NCOR2: variants seen among roughly 807,000 people sequenced by gnomAD.
NCOR2 encodes the protein nuclear receptor corepressor 2.
In NCOR2, 81 loss-of-function variants were observed where a neutral mutation model predicts 262.9. That is an observed-to-expected ratio of 0.31 (90% CI 0.26 to 0.37). NCOR2 has a LOEUF of 0.37. Ranked by LOEUF, NCOR2 falls within the 10% of genes least tolerant of loss-of-function variation. NCOR2 has a pLI of 1.00. For missense variants in NCOR2, 3,385 were observed against 3,621.4 expected (o/e 0.93, Z 1.68); for synonymous variants, 1,659 against 1,559.3 (o/e 1.06, Z -1.51).
chr12:124,335,112 A>T, intron 40 of NCOR2, 23 bp downstream of exon 42: 1 of 1,612,374 alleles, frequency 6.2e-7, no homozygotes, highest in Non-Finnish European at 8.5e-7. Context: ...GGTGACAAGC[A>T]GCAGCAGAGA....
At chr12:124,422,186 T>C (rs1458616569) in intron 12 of NCOR2, among the ~76,000 whole-genome samples, 1 of 152,214 alleles carries the variant, frequency 6.6e-6, no homozygotes, top group African/African-American at 2.4e-5. Flanking sequence ...TTTGAGGAGC[T>C]GGCAGGAGAC....
chr12:124,405,760 G>A (rs1306064940), intron 13 of NCOR2, among the ~76,000 whole-genome samples: 2 of 152,194 alleles, frequency 1.3e-5, no homozygotes, highest in Non-Finnish European at 2.9e-5. Flanking sequence ...GGAGCTGGGG[G>A]GACCCGGCAG....
At position 124,495,071 on chromosome 12, in the gene NCOR2, GA is replaced by G; in HGVS notation, c.105+75del. On this transcript the variant is annotated intron_variant, in intron 1 of 46. Coordinates refer to ENST00000405201, the Ensembl canonical transcript of NCOR2. The surrounding 1 kb of genome is among the most constrained non-coding windows in gnomAD (Gnocchi z 4.4). ...CATGAGCCTGGCTCCCAGGAGAAAG[GA>G]AGGGGTGAAGACTCAGTGGAATGGA... The G allele has an allele frequency of 5.2e-6, 8 of 1,540,342 alleles. No individual in the cohort carries two copies. The highest frequency in any genetic ancestry group is 1.2e-5 in the South Asian group (1 of 83,956).
intron 13 of NCOR2, among the ~76,000 whole-genome samples, chr12:124,406,944 A>C (rs982831506): frequency 6.6e-6 from 1 of 152,086 alleles, no homozygotes; most frequent in Non-Finnish European, 1.5e-5. Context: ...ATCACTTCCT[A>C]CCTGTTATTT....
intron 31 of NCOR2, 121 bp from the exon 34 acceptor site, chr12:124,345,072 C>G: frequency 1.1e-6 from 1 of 903,656 alleles, no homozygotes; most frequent in Non-Finnish European, 1.6e-6. Context: ...TCTGATGCCT[C>G]CAGAGGCAGG....
rs1043789123 is a variant in NCOR2, at chr12:124,399,620, CGAG to C, written c.1813+878_1813+880del. On this transcript the variant is annotated intron_variant, in intron 15 of 46. Transcript: ENST00000405201. The stretch of plus-strand genomic sequence containing the variant: ...TGAAATAGGTCCAAACTACATCCCA[CGAG>C]AAGAAGAGACAGGTGCATGACCCGG... 2.0e-4 allele frequency among the ~76,000 whole-genome samples: 30 copies of C among 152,164 alleles called. 1 individual carries two copies. The highest frequency in any genetic ancestry group is 7.2e-4 in the African/African-American group (30 of 41,444).
At position 124,394,088 on chromosome 12, in the gene NCOR2, C is replaced by CA. The variant is rs547002918; in HGVS notation, c.1876+4030dup. Among the ~76,000 whole-genome samples, 300 of 152,368 alleles carry CA rather than the reference C, an allele frequency of 2.0e-3. 2 individuals carry two copies. The highest frequency in any genetic ancestry group is 5.7e-3 in the Admixed American group (87 of 15,308). ...AGGCCCCAAAGTGTAGGTACCTGCT[C>CA]AGGGTCAGACTCTGCAGGAGGCACA... is the stretch of plus-strand genomic sequence containing the variant. On this transcript the variant is annotated intron_variant, in intron 16 of 46. Coordinates refer to ENST00000405201, the Ensembl canonical transcript of NCOR2.
upstream of NCOR2, among the ~76,000 whole-genome samples, chr12:124,500,238 C>G (rs964749552): frequency 2.6e-5 from 4 of 152,178 alleles, no homozygotes; most frequent in Non-Finnish European, 5.9e-5. Context: ...CCCCAGGGCC[C>G]CTGCTGGCCC....
intron 1 of NCOR2, among the ~76,000 whole-genome samples, chr12:124,545,446 G>T (rs1282620920): frequency 6.6e-6 from 1 of 152,110 alleles, no homozygotes; most frequent in Non-Finnish European, 1.5e-5. Flanking sequence ...TTCCCCATGG[G>T]TCCCCATCAG....
In NCOR2 at chr12:124,429,349, G is replaced by A; in HGVS notation, c.1149+264C>T. 3 of 502,408 alleles carry A rather than the reference G, an allele frequency of 6.0e-6. 1 individual carries two copies. In the South Asian group the frequency reaches 7.6e-5, roughly 13 times the overall value. The allele number at this position is 502,408 out of a possible 1,614,324, so 31.1% of individuals were successfully genotyped here. The stretch of plus-strand genomic sequence containing the variant: ...CGTCCCCCAACCCCCTCCCTGTTGT[G>A]GCATCTGGATGGGGGAGCGCCAGGG... On this transcript the variant is annotated intron_variant, in intron 10 of 46. Coordinates refer to ENST00000405201, the Ensembl canonical transcript of NCOR2.
chr12:124,354,479 T>C, exon 26 of NCOR2: 2 of 1,545,936 alleles, frequency 1.3e-6, no homozygotes, highest in Non-Finnish European at 1.7e-6. Context: ...GGCCCTCACC[T>C]CTCAGCACGG....
At chr12:124,445,176 A>C (rs936247544) in intron 7 of NCOR2, among the ~76,000 whole-genome samples, 22 of 152,302 alleles carry the variant, frequency 1.4e-4, no homozygotes, top group Middle Eastern at 6.8e-3. Flanking sequence ...CAGAGGCAGA[A>C]TGTGCCTGAG....
chr12:124,459,632 C>T (rs1259523037), intron 5 of NCOR2, among the ~76,000 whole-genome samples: 1 of 152,218 alleles, frequency 6.6e-6, no homozygotes, highest in African/African-American at 2.4e-5. Flanking sequence ...CCCATGACCT[C>T]TGCAAGGACG....
At chr12:124,350,626 T>C in exon 28 of NCOR2, 1 of 1,614,004 alleles carries the variant, frequency 6.2e-7, no homozygotes, top group Non-Finnish European at 8.5e-7. Flanking sequence ...CCTTCGTAGA[T>C]GACGTGGCCC....
intron 1 of NCOR2, among the ~76,000 whole-genome samples, chr12:124,516,575 GT>G (rs2137055360): frequency 6.6e-6 from 1 of 152,316 alleles, no homozygotes; most frequent in East Asian, 1.9e-4. Context: ...GGCCAGCACT[GT>G]GCGGGCCCCT....
At chr12:124,370,783 G>C (rs1158664400) in intron 20 of NCOR2, among the ~76,000 whole-genome samples, 3 of 152,162 alleles carry the variant, frequency 2.0e-5, no homozygotes, top group Non-Finnish European at 4.4e-5. Flanking sequence ...ACAGAGGCCA[G>C]AAAGGAAAGA....
chr12:124,384,179 C>A (rs1565895534), intron 17 of NCOR2, among the ~76,000 whole-genome samples: 1 of 152,248 alleles, frequency 6.6e-6, no homozygotes, highest in Admixed American at 6.5e-5. Flanking sequence ...CCTGACCTGG[C>A]TGACAGAATC....
At chr12:124,500,743 A>G (rs2048656082) in intron 1 of NCOR2, among the ~76,000 whole-genome samples, 1 of 152,018 alleles carries the variant, frequency 6.6e-6, no homozygotes, top group African/African-American at 2.4e-5. Context: ...ATGAGGCCAC[A>G]CCGAGACACA....
chr12:124,558,189 G>A (rs2051946369), intron 1 of NCOR2, among the ~76,000 whole-genome samples: 1 of 152,066 alleles, frequency 6.6e-6, no homozygotes, highest in South Asian at 2.1e-4. Context: ...TGTGGGTCTG[G>A]GCCTCTGGGA....
Sources: allele counts gnomAD v4.1 joint callset (sites outside exome capture counted in the v4.1 genomes callset), GRCh38; gene constraint gnomAD v4.1.1; non-coding constraint Gnocchi (gnomAD v3.1); transcripts MANE v1.5; gene names NCBI Gene and HGNC (gene_info 2026-07-23, HGNC 2026-07-21).